The following PDE11A variants were observed in gnomAD, a reference collection of about 807,000 sequenced individuals.
The protein encoded by PDE11A is dual 3',5'-cyclic-AMP and -GMP phosphodiesterase 11A.
In PDE11A, 100 loss-of-function variants were observed where a neutral mutation model predicts 100.5. That is an observed-to-expected ratio of 1.00 (90% CI 0.85 to 1.18). The LOEUF is 1.18. Among genes scored for constraint, PDE11A ranks in the 50% most tolerant of loss-of-function variants. The pLI is 0.00. For synonymous variants in PDE11A, 381 were observed against 420.8 expected, an observed-to-expected ratio of 0.91 and a Z score of 1.16; for missense variants, 1,141 against 1,152.6, an observed-to-expected ratio of 0.99 and a Z score of 0.15.
At chr2:178,007,717 T>C (rs1342014886) in intron 2 of PDE11A, among the ~76,000 whole-genome samples, 1 of 152,092 alleles carries the variant, frequency 6.6e-6, no homozygotes, top group Non-Finnish European at 1.5e-5. Flanking sequence ...TATTTATTTA[T>C]TTTTTGAGAC....
intron 2 of PDE11A, among the ~76,000 whole-genome samples, chr2:177,932,050 C>G (rs931624628): frequency 2.6e-5 from 4 of 151,990 alleles, no homozygotes; most frequent in South Asian, 2.1e-4. Context: ...TGCACACAAA[C>G]TAGAAAATCT....
chr2:178,023,557 C>T (rs1479409057), intron 1 of PDE11A, among the ~76,000 whole-genome samples: 1 of 152,086 alleles, frequency 6.6e-6, no homozygotes, highest in Non-Finnish European at 1.5e-5. Context: ...ATGATTAAGC[C>T]AAGAACTAAT....
chr2:177,897,685 C>A (rs868740298), intron 4 of PDE11A, among the ~76,000 whole-genome samples: 2 of 152,192 alleles, frequency 1.3e-5, no homozygotes, highest in Non-Finnish European at 2.9e-5. Context: ...AATCCACCCC[C>A]CGAAATGCTG....
rs72948873 is a variant in PDE11A at position 177,905,255 on chromosome 2, T to C, written c.1072-68A>G. On this transcript the variant is annotated intron_variant, in intron 2 of 19. Coordinates refer to ENST00000286063, the MANE Select transcript of PDE11A (RefSeq NM_016953.4). ...TTGATACATCCCTTGTAGACTAAAT[T>C]GCACACTTCTTCTATATGCCTGATT... is the stretch of plus-strand genomic sequence containing the variant. The C allele has an allele frequency of 6.3e-3, 5,277 of 840,764 alleles. 41 individuals are homozygous for C. The highest frequency in any genetic ancestry group is 7.8e-3 in the Non-Finnish European group (3,794 of 483,976). The allele number at this position is 840,764 out of a possible 1,614,324, so 52.1% of individuals were successfully genotyped here. A position where few individuals can be genotyped will look rare whatever the true frequency, so the allele number is the denominator to read the frequency against.
At chr2:177,923,348 G>A (rs988237789) in intron 2 of PDE11A, among the ~76,000 whole-genome samples, 7 of 136,580 alleles carry the variant, frequency 5.1e-5, no homozygotes, top group African/African-American at 8.2e-5. Context: ...ATGAAAGAGC[G>A]AGGCTCTGTC....
intron 5 of PDE11A, among the ~76,000 whole-genome samples, chr2:177,851,577 A>G (rs1014585610): frequency 4.6e-5 from 7 of 152,298 alleles, no homozygotes; most frequent in African/African-American, 1.7e-4. Context: ...CTGTATTGGT[A>G]TAGTAAATAA....
chr2:177,993,547 C>A (rs577795709), intron 2 of PDE11A, among the ~76,000 whole-genome samples: 1 of 152,230 alleles, frequency 6.6e-6, no homozygotes. Context: ...CAATGTGCAA[C>A]CTGATTATCT....
At chr2:177,732,484 A>G (rs1023747372) in intron 10 of PDE11A, among the ~76,000 whole-genome samples, 1 of 152,194 alleles carries the variant, frequency 6.6e-6, no homozygotes, top group Admixed American at 6.5e-5. Context: ...ACCTTGTTAC[A>G]GTTTGTTACC....
intron 2 of PDE11A, among the ~76,000 whole-genome samples, chr2:178,081,441 CAAT>C (rs2087284329): frequency 6.6e-6 from 1 of 151,910 alleles, no homozygotes; most frequent in Non-Finnish European, 1.5e-5. Flanking sequence ...TGCTATACTA[CAAT>C]AATAAGGTAA....
chr2:177,785,063 T>A (rs931652605), intron 9 of PDE11A, among the ~76,000 whole-genome samples: 1 of 152,248 alleles, frequency 6.6e-6, no homozygotes, highest in African/African-American at 2.4e-5. Context: ...GCCAGTATAG[T>A]TTGGTCTTTG....
chr2:178,106,048 G>A (rs1413490057), intron 1 of PDE11A, among the ~76,000 whole-genome samples: 1 of 152,132 alleles, frequency 6.6e-6, no homozygotes, highest in South Asian at 2.1e-4. Context: ...AGCACATATT[G>A]ATCTATCAAT....
chr2:177,851,684 T>C (rs1167959673), intron 5 of PDE11A, among the ~76,000 whole-genome samples: 1 of 152,226 alleles, frequency 6.6e-6, no homozygotes, highest in Non-Finnish European at 1.5e-5. Context: ...ACAAGCTTTG[T>C]ATCCCAAACT....
chr2:177,936,798 G>A (rs2085280032), intron 2 of PDE11A, among the ~76,000 whole-genome samples: 1 of 152,036 alleles, frequency 6.6e-6, no homozygotes, highest in Non-Finnish European at 1.5e-5. Flanking sequence ...GCCAGCGCCT[G>A]TAACTCCAGC....
intron 2 of PDE11A, among the ~76,000 whole-genome samples, chr2:177,929,980 T>A (rs929145471): frequency 6.6e-6 from 1 of 152,218 alleles, no homozygotes; most frequent in Non-Finnish European, 1.5e-5. Flanking sequence ...GTAACGGCAA[T>A]GAATCACCAT....
At chr2:177,817,774 T>G in intron 8 of PDE11A, 84 bp downstream of exon 8, 1 of 728,768 alleles carries the variant, frequency 1.4e-6, no homozygotes, top group Admixed American at 1.9e-5. Flanking sequence ...AATTGACTAA[T>G]AATTGTTTGT....
chr2:177,704,816 C>A (rs1280988901), intron 13 of PDE11A, among the ~76,000 whole-genome samples: 3 of 152,084 alleles, frequency 2.0e-5, no homozygotes, highest in African/African-American at 7.2e-5. Flanking sequence ...ACATAACAAG[C>A]AGCATTATCT....
intron 1 of PDE11A, among the ~76,000 whole-genome samples, chr2:178,053,877 GA>G (rs1474034227): frequency 6.6e-6 from 1 of 152,024 alleles, no homozygotes; most frequent in Non-Finnish European, 1.5e-5. Flanking sequence ...CAAACAAGTG[GA>G]AAAAAATTCC....
At chr2:177,933,009 T>A (rs34185358) in intron 2 of PDE11A, among the ~76,000 whole-genome samples, 13,143 of 151,788 alleles carry the variant, frequency 0.087, 542 homozygotes, top group South Asian at 0.1. Flanking sequence ...TAGCATTTCT[T>A]TACACCAATA....
chr2:177,715,586 G>A (rs190143795), intron 12 of PDE11A, among the ~76,000 whole-genome samples: 1 of 150,282 alleles, frequency 6.7e-6, no homozygotes, highest in East Asian at 2.0e-4. Context: ...CCTCTTTTCT[G>A]TTTCCTATAT....
Sources: allele counts gnomAD v4.1 joint callset (sites outside exome capture counted in the v4.1 genomes callset), GRCh38; gene constraint gnomAD v4.1.1; transcripts MANE v1.5; gene names NCBI Gene and HGNC (gene_info 2026-07-23, HGNC 2026-07-21).